The following RALGAPA2 variants were observed in gnomAD, a reference collection of about 807,000 sequenced individuals.
The protein encoded by RALGAPA2 is ral GTPase-activating protein subunit alpha-2.
A neutral mutation model predicts 230.4 loss-of-function variants in RALGAPA2; 139 were observed. The ratio of observed to expected loss-of-function variants is 0.60; its 90% CI spans 0.53 to 0.69. RALGAPA2 has a LOEUF of 0.69. Ranked by LOEUF, RALGAPA2 falls within the 30% of genes least tolerant of loss-of-function variation. RALGAPA2 has a pLI of 0.00. For missense variants in RALGAPA2, 2,163 were observed against 2,276.0 expected, an observed-to-expected ratio of 0.95 and a Z score of 1.01; for synonymous variants, 847 against 837.8, an observed-to-expected ratio of 1.01 and a Z score of -0.19.
chr20:20,568,054 C>T (rs1424897344), intron 23 of RALGAPA2, among the ~76,000 whole-genome samples: 2 of 152,120 alleles, frequency 1.3e-5, no homozygotes, highest in Non-Finnish European at 1.5e-5. Flanking sequence ...AGCCCACCCT[C>T]AGACACAAAG....
At position 20,427,700 on chromosome 20, in the gene RALGAPA2, G is replaced by A. The variant is rs1444800636; in HGVS notation, c.5496-15552C>T. ...GTGAGGCACTGTCATACCAGTGACC[G>A]CACAGGTTGCCAGTAACAGGAAAGC... is the stretch of plus-strand genomic sequence containing the variant. On this transcript the variant is annotated intron_variant, in intron 37 of 39. Coordinates refer to ENST00000202677, the MANE Select transcript of RALGAPA2 (RefSeq NM_020343.4). 4.6e-5 allele frequency among the ~76,000 whole-genome samples: 7 copies of A among 152,028 alleles called. No individual in the cohort carries two copies. In the East Asian group the frequency reaches 1.2e-3, roughly 25 times the overall value.
At chr20:20,561,022 A>G (rs141717192) in intron 23 of RALGAPA2, among the ~76,000 whole-genome samples, 2 of 152,346 alleles carry the variant, frequency 1.3e-5, no homozygotes, top group East Asian at 3.9e-4. Context: ...TCATGGATGC[A>G]GTGACTTGAG....
At chr20:20,675,493 T>C (rs2068287587) in intron 3 of RALGAPA2, among the ~76,000 whole-genome samples, 1 of 152,126 alleles carries the variant, frequency 6.6e-6, no homozygotes, top group African/African-American at 2.4e-5. Context: ...CACACTAACC[T>C]AAGCCTACAC....
At chr20:20,528,971 T>C (rs1485664643) in intron 27 of RALGAPA2, among the ~76,000 whole-genome samples, 1 of 152,110 alleles carries the variant, frequency 6.6e-6, no homozygotes, top group Admixed American at 6.5e-5. Context: ...ATAGTGGTGG[T>C]TGTTCTCCTC....
At chr20:20,562,045 A>T (rs989690373) in intron 23 of RALGAPA2, among the ~76,000 whole-genome samples, 5 of 152,208 alleles carry the variant, frequency 3.3e-5, no homozygotes, top group African/African-American at 1.2e-4. Context: ...AGCTCACCAC[A>T]GTAGAAAGTT....
intron 1 of RALGAPA2, among the ~76,000 whole-genome samples, chr20:20,700,008 A>T (rs1215757599): frequency 6.6e-6 from 1 of 152,178 alleles, no homozygotes; most frequent in East Asian, 1.9e-4. Context: ...ACATGCACTC[A>T]TATGTTCATT....
At chr20:20,659,798 A>T (rs949593989) in intron 3 of RALGAPA2, 7 of 883,436 alleles carry the variant, frequency 7.9e-6, no homozygotes, top group Middle Eastern at 2.4e-4. Context: ...GGAGAGAAGG[A>T]AAAAACAGAA....
At chr20:20,584,733 A>G (rs1245634265) in intron 19 of RALGAPA2, 132 bp downstream of exon 19, 3 of 641,956 alleles carry the variant, frequency 4.7e-6, no homozygotes, top group Non-Finnish European at 7.5e-6. Flanking sequence ...GTGAGCCATG[A>G]TTGTGCCAGA....
chr20:20,632,056 G>A (rs1420817475), intron 9 of RALGAPA2, among the ~76,000 whole-genome samples: 6 of 149,158 alleles, frequency 4.0e-5, no homozygotes, highest in Non-Finnish European at 7.4e-5. Flanking sequence ...ACAGAGTCTC[G>A]CTCAGTTGCC....
At chr20:20,619,486 A>G in intron 11 of RALGAPA2, 72 bp from the exon 12 acceptor site, 3 of 1,072,478 alleles carry the variant, frequency 2.8e-6, no homozygotes, top group Non-Finnish European at 2.4e-6. Flanking sequence ...TATAAATATA[A>G]TTAAATATAT....
chr20:20,670,824 C>T (rs1226175055), intron 3 of RALGAPA2, among the ~76,000 whole-genome samples: 1 of 151,888 alleles, frequency 6.6e-6, no homozygotes, highest in African/African-American at 2.4e-5. Flanking sequence ...TGGCAGGCAC[C>T]TGTAGTCCCA....
intron 37 of RALGAPA2, among the ~76,000 whole-genome samples, chr20:20,445,955 A>AT (rs778810883): frequency 9.7e-4 from 142 of 146,086 alleles, no homozygotes; most frequent in Non-Finnish European, 9.1e-4. Flanking sequence ...TGGAAAAAAC[A>AT]TTTTTTTTTT....
chr20:20,559,953 T>C (rs2064206865), intron 23 of RALGAPA2, among the ~76,000 whole-genome samples: 1 of 152,216 alleles, frequency 6.6e-6, no homozygotes, highest in South Asian at 2.1e-4. Flanking sequence ...ACAGCAACAG[T>C]TATTCATGAT....
intron 2 of RALGAPA2, among the ~76,000 whole-genome samples, chr20:20,676,550 G>C (rs1202984480): frequency 6.6e-6 from 1 of 152,184 alleles, no homozygotes; most frequent in Non-Finnish European, 1.5e-5. Flanking sequence ...ACCAAACTAT[G>C]ATGGGTAATT....
At chr20:20,671,871 T>C (rs1008695258) in intron 3 of RALGAPA2, among the ~76,000 whole-genome samples, 9 of 152,080 alleles carry the variant, frequency 5.9e-5, no homozygotes, top group African/African-American at 1.9e-4. Flanking sequence ...TCTTAAAACA[T>C]TGCTGGGCTT....
intron 20 of RALGAPA2, among the ~76,000 whole-genome samples, chr20:20,576,541 C>T (rs758976168): frequency 6.6e-6 from 1 of 152,064 alleles, no homozygotes; most frequent in African/African-American, 2.4e-5. Flanking sequence ...ATTTTTCCAA[C>T]ATTCTTCAAT....
At chr20:20,395,897 G>A (rs969064021) in intron 39 of RALGAPA2, among the ~76,000 whole-genome samples, 1 of 152,322 alleles carries the variant, frequency 6.6e-6, no homozygotes, top group African/African-American at 2.4e-5. Context: ...GCTCAGGAAC[G>A]GCAGCTCGCT....
At chr20:20,533,770 G>A (rs2063427524) in intron 26 of RALGAPA2, among the ~76,000 whole-genome samples, 1 of 152,068 alleles carries the variant, frequency 6.6e-6, no homozygotes, top group South Asian at 2.1e-4. Context: ...TTCAAAGACT[G>A]CTGTAAGACA....
At chr20:20,399,174 G>C (rs1310970890) in intron 38 of RALGAPA2, among the ~76,000 whole-genome samples, 1 of 152,054 alleles carries the variant, frequency 6.6e-6, no homozygotes, top group East Asian at 1.9e-4. Flanking sequence ...ATGAAATCCT[G>C]TCTCTACTAA....
Sources: gnomAD v4.1 joint callset for allele counts (sites outside exome capture counted in the v4.1 genomes callset) on GRCh38, gnomAD v4.1.1 for gene constraint, MANE v1.5 for transcripts, NCBI Gene and HGNC (gene_info 2026-07-23, HGNC 2026-07-21) for gene names.